The following SLAMF6 variants were observed in gnomAD, a reference collection of about 807,000 sequenced individuals.
SLAMF6 encodes the protein SLAM family member 6.
SLAMF6 carries 21 observed loss-of-function variants against 38.3 expected under a neutral mutation model. The ratio of observed to expected loss-of-function variants is 0.55; its 90% CI spans 0.39 to 0.79. SLAMF6 has a LOEUF of 0.79. SLAMF6 is among the 30% of genes least tolerant of loss of function. The pLI is 0.00. For synonymous variants in SLAMF6, 152 were observed against 146.3 expected, an observed-to-expected ratio of 1.04 and a Z score of -0.28; for missense variants, 341 against 385.3, an observed-to-expected ratio of 0.89 and a Z score of 0.96.
At chr1:160,510,818 G>C (rs1335600657) in intron 1 of SLAMF6, among the ~76,000 whole-genome samples, 2 of 152,118 alleles carry the variant, frequency 1.3e-5, no homozygotes, top group East Asian at 3.8e-4. Flanking sequence ...CAGATAACAT[G>C]ATGTTGAAAA....
At chr1:160,516,702 A>G (rs753707757) in intron 1 of SLAMF6, among the ~76,000 whole-genome samples, 1 of 152,106 alleles carries the variant, frequency 6.6e-6, no homozygotes, top group African/African-American at 2.4e-5. Context: ...CATAAATAAG[A>G]CTGCACATCT....
At chr1:160,487,232 G>T in intron 6 of SLAMF6, 57 bp from the exon 7 acceptor site, 1 of 1,413,790 alleles carries the variant, frequency 7.1e-7, no homozygotes, top group Non-Finnish European at 9.9e-7. Context: ...TTAATGCATA[G>T]ATATATTCTT....
At chr1:160,517,252 T>C (rs1654787457) in intron 1 of SLAMF6, among the ~76,000 whole-genome samples, 1 of 151,788 alleles carries the variant, frequency 6.6e-6, no homozygotes, top group African/African-American at 2.4e-5. Context: ...CCAACAAACA[T>C]GAAAAAAAGC....
intron 1 of SLAMF6, among the ~76,000 whole-genome samples, chr1:160,498,155 T>A (rs994811604): frequency 1.3e-5 from 2 of 152,060 alleles, no homozygotes; most frequent in African/African-American, 4.8e-5. Context: ...CCTGTTTTTT[T>A]TTTATTTTTT....
At chr1:160,506,909 A>G (rs568810558) in intron 1 of SLAMF6, among the ~76,000 whole-genome samples, 298 of 152,290 alleles carry the variant, frequency 2.0e-3, no homozygotes, top group Non-Finnish European at 3.2e-3. Flanking sequence ...ACAGGAAAGG[A>G]AATGAGAAAG....
intron 2 of SLAMF6, 167 bp from the exon 3 acceptor site, chr1:160,491,555 G>A (rs1049460964): frequency 2.0e-6 from 1 of 499,218 alleles, no homozygotes; most frequent in African/African-American, 2.1e-5. Context: ...ATGGTAGCAA[G>A]GTCTGGGATG....
chr1:160,510,606 T>C (rs118155232), intron 1 of SLAMF6, among the ~76,000 whole-genome samples: 2 of 152,254 alleles, frequency 1.3e-5, no homozygotes, highest in East Asian at 3.9e-4. Flanking sequence ...ATAAAAGGCA[T>C]TTATGAAAAC....
Position 160,488,768 on chromosome 1 carries a change from T to C in SLAMF6, c.879+320A>G, listed in dbSNP as rs1266791641. Among the ~76,000 whole-genome samples, 3 of 152,170 alleles carry C rather than the reference T, an allele frequency of 2.0e-5. No homozygotes were observed. The East Asian group carries it at 5.8e-4, about 29-fold the overall frequency. Reference sequence around the variant, plus strand: ...CATTCAGCAAGTATTTACTGATCATTATGCTAGGATATAGGGCAAGAGAGA... The same window carrying C: ...CATTCAGCAAGTATTTACTGATCATCATGCTAGGATATAGGGCAAGAGAGA... On this transcript the variant is annotated intron_variant, in intron 6 of 7. Transcript: ENST00000368057.
chr1:160,500,067 A>G (rs1048136866), intron 1 of SLAMF6, among the ~76,000 whole-genome samples: 1 of 152,216 alleles, frequency 6.6e-6, no homozygotes, highest in Non-Finnish European at 1.5e-5. Context: ...ACCTTTGAGG[A>G]GGGAGAGGTG....
intron 1 of SLAMF6, among the ~76,000 whole-genome samples, chr1:160,520,161 G>A (rs919521781): frequency 2.0e-5 from 3 of 152,146 alleles, no homozygotes; most frequent in Non-Finnish European, 4.4e-5. Context: ...GTAAAAAGTA[G>A]ATAACACTGC....
In SLAMF6 at chr1:160,518,305, G is replaced by A. The variant is rs145501752; in HGVS notation, c.49+4839C>T. 4.4e-3 allele frequency among the ~76,000 whole-genome samples: 667 copies of A among 152,306 alleles called. 7 individuals are homozygous for A. The highest frequency in any genetic ancestry group is 0.016 in the African/African-American group (645 of 41,548). On this transcript the variant is annotated intron_variant, in intron 1 of 7. Coordinates refer to ENST00000368057, the MANE Select transcript of SLAMF6 (RefSeq NM_001184714.2). ...AAATAGAAACTCTTTTACACTGTTG[G>A]TGGGAATGTAAATTAGTTCAACTAT...
intron 2 of SLAMF6, among the ~76,000 whole-genome samples, chr1:160,494,891 G>A (rs1283587280): frequency 6.6e-6 from 1 of 152,058 alleles, no homozygotes. Flanking sequence ...CTACTTTATG[G>A]TATTTCTATT....
In SLAMF6 at chr1:160,491,361, T is replaced by C. The variant is rs778451947; in HGVS notation, c.410A>G (p.Asn137Ser). The C allele has an allele frequency of 3.7e-6, 6 of 1,613,806 alleles. No homozygotes were observed. The highest frequency in any genetic ancestry group is 3.3e-5 in the Admixed American group (2 of 59,974). The part of the protein sequence containing the change: ...LRQLRNIQVT[N>S]HSQLFQNMTC... ...CATATTCTGAAATAGCTGACTGTGA[T>C]TGGTAACTTGTATGTTCCTCAGTTG... Residue 137 changes from asparagine to serine, a missense_variant, in exon 3 of 8, where the codon AAT becomes AGT. By Grantham distance (46) the Asn-to-Ser change is conservative (BLOSUM62 1). Transcript: ENST00000368057.
At chr1:160,487,259 C>T (rs1653014701) in intron 6 of SLAMF6, 84 bp from the exon 7 acceptor site, 1 of 1,244,954 alleles carries the variant, frequency 8.0e-7, no homozygotes, top group Non-Finnish European at 1.1e-6. Context: ...GACTGTGTGA[C>T]AAAAAAGAGA....
rs1653231905 is a variant in SLAMF6, at chr1:160,490,608, T to G, written c.724A>C (p.Ile242Leu). 6.2e-6 allele frequency: 10 copies of G among 1,613,872 alleles called. No homozygotes were observed. Among genetic ancestry groups the G allele is most frequent in the Non-Finnish European group, 8.5e-6 (10 of 1,179,896 alleles). Residue 242 changes from isoleucine (I) to leucine (L), a missense_variant, in exon 4 of 8, where the codon ATA becomes CTA. Ile to Leu is a conservative substitution (Grantham distance 5, BLOSUM62 2). Coordinates refer to ENST00000368057, the MANE Select transcript of SLAMF6 (RefSeq NM_001184714.2). ...TTCCTCAAAACAAGTAACAGCAGTA[T>G]GATGAAACCGAAGACTATGCATATC... ...SGICIVFGFI[I>L]LLLLVLRKRR...
chr1:160,518,686 C>T (rs981007481), intron 1 of SLAMF6, among the ~76,000 whole-genome samples: 1 of 152,196 alleles, frequency 6.6e-6, no homozygotes, highest in East Asian at 1.9e-4. Context: ...AAGCCAAACA[C>T]CGCATGTTCT....
chr1:160,510,627 C>G (rs1654424204), intron 1 of SLAMF6, among the ~76,000 whole-genome samples: 1 of 152,138 alleles, frequency 6.6e-6, no homozygotes, highest in South Asian at 2.1e-4. Context: ...CCACAGCTAA[C>G]ATTTTACTCA....
chr1:160,491,462 C>T, intron 2 of SLAMF6, 74 bp from the exon 3 acceptor site: 4 of 1,547,122 alleles, frequency 2.6e-6, no homozygotes, highest in Non-Finnish European at 2.6e-6. Context: ...AAATATCCTT[C>T]ACCTCAATGT....
At chr1:160,492,232 A>G (rs1653341822) in intron 2 of SLAMF6, among the ~76,000 whole-genome samples, 1 of 152,208 alleles carries the variant, frequency 6.6e-6, no homozygotes, top group Admixed American at 6.5e-5. Context: ...AAGATGACCC[A>G]ACCAGGAAGA....
Sources: gnomAD v4.1 joint callset for allele counts (sites outside exome capture counted in the v4.1 genomes callset) on GRCh38, gnomAD v4.1.1 for gene constraint, MANE v1.5 for transcripts, NCBI Gene and HGNC (gene_info 2026-07-23, HGNC 2026-07-21) for gene names.